Variants in SCMH1 observed in about 807,000 individuals in gnomAD.
The protein encoded by SCMH1 is Scm polycomb group protein homolog 1, also known as polycomb protein SCMH1.
A neutral mutation model predicts 70.8 loss-of-function variants in SCMH1; 37 were observed. That is an observed-to-expected ratio of 0.52 (90% confidence interval 0.40 to 0.69). The LOEUF is 0.69. Ranked by LOEUF, SCMH1 falls within the 30% of genes least tolerant of loss-of-function variation. The pLI is 0.00. For synonymous variants in SCMH1, 292 were observed against 307.4 expected (o/e 0.95, Z 0.52); for missense variants, 607 against 827.3 (o/e 0.73, Z 3.27).
intron 1 of SCMH1, among the ~76,000 whole-genome samples, chr1:41,192,190 C>CATT (rs1245696206): frequency 3.3e-5 from 5 of 152,134 alleles, no homozygotes; most frequent in Admixed American, 1.3e-4. Context: ...TGCCTTCCAT[C>CATT]ATTACTCTTT....
At chr1:41,169,613 A>C (rs945913916) in intron 2 of SCMH1, among the ~76,000 whole-genome samples, 2 of 152,166 alleles carry the variant, frequency 1.3e-5, no homozygotes, top group Admixed American at 6.5e-5. Flanking sequence ...TACGCCTATC[A>C]GGGTGGTGTC....
chr1:41,096,571 C>T (rs2024860), intron 8 of SCMH1, among the ~76,000 whole-genome samples: 129,448 of 152,220 alleles, frequency 0.85, 55,542 homozygotes, highest in East Asian at 0.96. Flanking sequence ...TATGTTGCTA[C>T]GTGGGAGGTG....
chr1:41,184,565 T>C lies in SCMH1; in HGVS notation c.13+1556A>G, dbSNP rs548263680. Among the ~76,000 whole-genome samples the C allele has an allele frequency of 3.3e-5, 5 of 152,300 alleles. No individual in the cohort carries two copies. The East Asian group carries it at 9.6e-4, about 29-fold the overall frequency. On this transcript the variant is annotated intron_variant, in intron 2 of 14. Transcript: ENST00000337495. ...TAAAAGACCCCTGTTCTAGCTTACA[T>C]GCTACTGGAATGCTCAGCAGGGATT...
chr1:41,132,555 T>C (rs943316755), intron 6 of SCMH1, among the ~76,000 whole-genome samples: 1 of 152,228 alleles, frequency 6.6e-6, no homozygotes, highest in East Asian at 1.9e-4. Flanking sequence ...TTTAATTAGA[T>C]CCCATTTGTC....
At chr1:41,059,741 T>G (rs556942828) in intron 10 of SCMH1, among the ~76,000 whole-genome samples, 21 of 152,284 alleles carry the variant, frequency 1.4e-4, no homozygotes, top group Admixed American at 3.3e-4. Context: ...CACCCACCCT[T>G]AGATGCTACT....
chr1:41,129,295 C>A (rs116333172), intron 6 of SCMH1, among the ~76,000 whole-genome samples: 2 of 152,162 alleles, frequency 1.3e-5, no homozygotes, highest in African/African-American at 4.8e-5. Context: ...TCACCACCAT[C>A]CATCTCCAGG....
At chr1:41,115,307 T>C (rs751332178) in intron 7 of SCMH1, among the ~76,000 whole-genome samples, 6 of 152,252 alleles carry the variant, frequency 3.9e-5, no homozygotes, top group Non-Finnish European at 7.3e-5. Context: ...AATTTTACCA[T>C]GTAATTTTGT....
At chr1:41,099,095 G>A in intron 8 of SCMH1, 1 of 238,310 alleles carries the variant, frequency 4.2e-6, no homozygotes, top group Non-Finnish European at 8.6e-6. Context: ...TCCTGATTAT[G>A]ATGCTCTGGA....
intron 2 of SCMH1, among the ~76,000 whole-genome samples, chr1:41,176,189 C>CA (rs61348122): frequency 0.034 from 3,700 of 109,878 alleles, 103 homozygotes; most frequent in African/African-American, 0.11. Context: ...CCAAAAAAAA[C>CA]AAAAAAAAAA....
intron 10 of SCMH1, among the ~76,000 whole-genome samples, chr1:41,066,150 G>A (rs1311581804): frequency 6.6e-6 from 1 of 152,188 alleles, no homozygotes; most frequent in African/African-American, 2.4e-5. Context: ...GGCTAGGATT[G>A]AAAATGGTGC....
intron 5 of SCMH1, among the ~76,000 whole-genome samples, chr1:41,145,738 T>A (rs1644491344): frequency 6.6e-6 from 1 of 152,182 alleles, no homozygotes; most frequent in African/African-American, 2.4e-5. Context: ...TGTGGTCCCA[T>A]AAGACTACAA....
Position 41,087,937 on chromosome 1 carries a change from G to GGTGTGTGTGTGTGTGTGTGTGTGTGT in SCMH1, c.746-12512_746-12487dup, listed in dbSNP as rs55721560. Among the ~76,000 whole-genome samples, 404 of 139,898 alleles carry GGTGTGTGTGTGTGTGTGTGTGTGTGT rather than the reference G, an allele frequency of 2.9e-3. 3 individuals carry two copies. The highest frequency in any genetic ancestry group is 8.8e-3 in the African/African-American group (323 of 36,676). 91.8% of individuals were successfully genotyped at this position (139,898 alleles called of 152,430 possible). ...AATCTATACACTATATATAGTTTCT[G>GGTGTGTGTGTGTGTGTGTGTGTGTGT]GTGTGTGTGTGTGTGTGTGTGTGTG... On this transcript the variant is annotated intron_variant, in intron 8 of 14. Transcript: ENST00000337495.
At chr1:41,177,375 AC>A (rs1351538006) in intron 2 of SCMH1, among the ~76,000 whole-genome samples, 1 of 152,252 alleles carries the variant, frequency 6.6e-6, no homozygotes, top group Non-Finnish European at 1.5e-5. Flanking sequence ...CAGCAATGGA[AC>A]AAAGCTGGAC....
intron 8 of SCMH1, among the ~76,000 whole-genome samples, chr1:41,085,990 A>G (rs1308862362): frequency 6.6e-6 from 1 of 151,488 alleles, no homozygotes; most frequent in Non-Finnish European, 1.5e-5. Context: ...ACAGGTACCC[A>G]CCGCCACGCC....
chr1:41,108,061 T>C (rs1668441033), intron 8 of SCMH1, among the ~76,000 whole-genome samples: 1 of 152,184 alleles, frequency 6.6e-6, no homozygotes, highest in African/African-American at 2.4e-5. Flanking sequence ...ATTTTTGCTT[T>C]GTACAAAGAA....
Position 41,155,515 on chromosome 1 carries a change from C to T in SCMH1, c.107-3831G>A, listed in dbSNP as rs1381878855. Among the ~76,000 whole-genome samples the T allele has an allele frequency of 3.3e-5, 5 of 151,932 alleles. No individual in the cohort carries two copies. In the East Asian group the frequency reaches 7.7e-4, roughly 23 times the overall value. The stretch of plus-strand genomic sequence containing the variant: ...TTGCTCCACATGGAGCAAAAACAAA[C>T]AAACAAACAAACAAACAAATACGTC... On this transcript the variant is annotated intron_variant, in intron 4 of 14. Coordinates refer to ENST00000337495, the Ensembl canonical transcript of SCMH1.
intron 1 of SCMH1, among the ~76,000 whole-genome samples, chr1:41,226,254 A>G (rs770862305): frequency 1.1e-4 from 17 of 152,208 alleles, no homozygotes; most frequent in Non-Finnish European, 2.5e-4. Flanking sequence ...AGTCTGAGAC[A>G]AACAGAAAAT....
intron 1 of SCMH1, among the ~76,000 whole-genome samples, chr1:41,201,231 T>C (rs1267759337): frequency 1.3e-5 from 2 of 152,288 alleles, no homozygotes; most frequent in African/African-American, 2.4e-5. Context: ...GAGTTATAAA[T>C]CCATGGCATT....
intron 8 of SCMH1, among the ~76,000 whole-genome samples, chr1:41,088,344 T>C (rs1292376380): frequency 6.6e-6 from 1 of 152,218 alleles, no homozygotes. Context: ...AAATGTTTTG[T>C]ATGACTTTTG....
Sources: gnomAD v4.1 joint callset for allele counts (sites outside exome capture counted in the v4.1 genomes callset) on GRCh38, gnomAD v4.1.1 for gene constraint, MANE v1.5 for transcripts, NCBI Gene and HGNC (gene_info 2026-07-23, HGNC 2026-07-21) for gene names.